Variants in CTNNA3 observed in about 807,000 individuals in gnomAD.
CTNNA3 encodes catenin alpha-3.
A neutral mutation model predicts 95.7 loss-of-function variants in CTNNA3; 76 were observed. The ratio of observed to expected loss-of-function variants is 0.79; its 90% confidence interval spans 0.66 to 0.96. The LOEUF is 0.96. Ranked by LOEUF, CTNNA3 falls within the 40% of genes least tolerant of loss-of-function variation. CTNNA3 has a pLI of 0.00. For missense variants in CTNNA3, 1,191 were observed against 1,089.8 expected, an observed-to-expected ratio of 1.09 and a Z score of -1.31; for synonymous variants, 431 against 374.4, an observed-to-expected ratio of 1.15 and a Z score of -1.74.
chr10:67,476,811 C>T (rs1848032563), intron 5 of CTNNA3, among the ~76,000 whole-genome samples: 1 of 151,672 alleles, frequency 6.6e-6, no homozygotes, highest in South Asian at 2.1e-4. Context: ...AGCACTTGCT[C>T]ACACAGAGTT....
intron 2 of CTNNA3, among the ~76,000 whole-genome samples, chr10:67,625,812 G>C (rs1838931118): frequency 1.3e-5 from 2 of 152,032 alleles, no homozygotes; most frequent in African/African-American, 4.8e-5. Flanking sequence ...CCTCAACTCA[G>C]GTTTGATTTC....
chr10:67,539,458 G>GA, intron 4 of CTNNA3, 45 bp downstream of exon 4: 1 of 1,599,640 alleles, frequency 6.3e-7, no homozygotes. Context: ...AATGAAATTA[G>GA]AAGTGAAGAC....
chr10:67,130,400 C>T (rs1859936775), intron 7 of CTNNA3, among the ~76,000 whole-genome samples: 1 of 152,118 alleles, frequency 6.6e-6, no homozygotes, highest in Non-Finnish European at 1.5e-5. Context: ...CTTTTGCTAT[C>T]TCAAAAGGTT....
intron 11 of CTNNA3, among the ~76,000 whole-genome samples, chr10:66,501,199 A>C (rs1840266553): frequency 6.6e-6 from 1 of 152,192 alleles, no homozygotes; most frequent in Non-Finnish European, 1.5e-5. Flanking sequence ...GAGATGAATG[A>C]AATCTATCAC....
intron 9 of CTNNA3, among the ~76,000 whole-genome samples, chr10:66,666,514 T>G (rs1846456741): frequency 6.6e-6 from 1 of 152,152 alleles, no homozygotes; most frequent in African/African-American, 2.4e-5. Flanking sequence ...TCTTATATAC[T>G]TGAACATAGG....
chr10:66,239,726 T>C (rs1260688303), intron 13 of CTNNA3, among the ~76,000 whole-genome samples: 1 of 152,028 alleles, frequency 6.6e-6, no homozygotes, highest in Admixed American at 6.6e-5. Flanking sequence ...TTGTTGTTTT[T>C]TTCGTATTCT....
intron 15 of CTNNA3, among the ~76,000 whole-genome samples, chr10:66,066,029 A>G (rs2080305895): frequency 6.6e-6 from 1 of 151,826 alleles, no homozygotes; most frequent in African/African-American, 2.4e-5. Flanking sequence ...ACACACAGCT[A>G]ATTTTGTATT....
At chr10:67,749,328 G>A (rs1455535164) in intron 1 of CTNNA3, among the ~76,000 whole-genome samples, 1 of 152,124 alleles carries the variant, frequency 6.6e-6, no homozygotes, top group African/African-American at 2.4e-5. Context: ...GATATCTACA[G>A]AACTCTCCAT....
intron 14 of CTNNA3, among the ~76,000 whole-genome samples, chr10:66,089,482 C>T (rs1455662288): frequency 6.6e-6 from 1 of 151,068 alleles, no homozygotes; most frequent in East Asian, 1.9e-4. Context: ...TTTCTATTCC[C>T]TCCCTGCAAA....
chr10:66,633,445 C>T (rs1052131195), intron 9 of CTNNA3, among the ~76,000 whole-genome samples: 2 of 152,110 alleles, frequency 1.3e-5, no homozygotes, highest in Admixed American at 6.5e-5. Context: ...CTTTGGGAGG[C>T]CAAGGCGGGC....
intron 5 of CTNNA3, among the ~76,000 whole-genome samples, chr10:67,303,445 G>A (rs1324700153): frequency 4.6e-5 from 7 of 152,218 alleles, no homozygotes; most frequent in Non-Finnish European, 1.0e-4. Flanking sequence ...CCAGGCTGAA[G>A]AAGAAAGATG....
At chr10:66,340,131 A>C (rs1327028156) in intron 12 of CTNNA3, among the ~76,000 whole-genome samples, 2 of 151,836 alleles carry the variant, frequency 1.3e-5, no homozygotes, top group African/African-American at 4.8e-5. Flanking sequence ...CTAAATTGTC[A>C]TCTCTTGCCT....
intron 9 of CTNNA3, among the ~76,000 whole-genome samples, chr10:66,740,191 C>A (rs967968546): frequency 6.6e-6 from 1 of 152,078 alleles, no homozygotes. Context: ...AGTTGTTTCC[C>A]TAAGAGTGAC....
At chr10:66,231,653 A>T (rs1362486139) in intron 13 of CTNNA3, among the ~76,000 whole-genome samples, 1 of 152,234 alleles carries the variant, frequency 6.6e-6, no homozygotes, top group African/African-American at 2.4e-5. Flanking sequence ...AAAACAAAAT[A>T]AAATATCTGG....
At chr10:66,372,772 G>A (rs921474025) in intron 12 of CTNNA3, among the ~76,000 whole-genome samples, 2 of 152,078 alleles carry the variant, frequency 1.3e-5, no homozygotes, top group Non-Finnish European at 2.9e-5. Flanking sequence ...TGCCCGAAAG[G>A]GAAATGCCAG....
intron 15 of CTNNA3, among the ~76,000 whole-genome samples, chr10:66,010,656 C>T (rs115579113): frequency 0.013 from 1,919 of 152,222 alleles, 32 homozygotes; most frequent in African/African-American, 0.044. Context: ...CAGATGGCTC[C>T]CAAGGATCAC....
At chr10:66,937,915 C>T (rs1190005204) in intron 7 of CTNNA3, among the ~76,000 whole-genome samples, 1 of 152,070 alleles carries the variant, frequency 6.6e-6, no homozygotes, top group African/African-American at 2.4e-5. Context: ...CTCCCAGAGA[C>T]TGCATCACAG....
At position 66,729,354 on chromosome 10, in the gene CTNNA3, G is replaced by A. The variant is rs118006142; in HGVS notation, c.1281+36910C>T. Among the ~76,000 whole-genome samples, 654 of 152,360 alleles carry A rather than the reference G, an allele frequency of 4.3e-3. 2 individuals carry two copies. The highest frequency in any genetic ancestry group is 7.2e-3 in the Non-Finnish European group (489 of 68,032). On this transcript the variant is annotated intron_variant, in intron 9 of 17. Coordinates refer to ENST00000433211, the MANE Select transcript of CTNNA3 (RefSeq NM_013266.4). ...GAATATTTTTACACTGCAGGTGAGA[G>A]TGCAAATTAGTTCAACAATTGCGGA...
intron 3 of CTNNA3, among the ~76,000 whole-genome samples, chr10:67,590,708 C>T (rs1189852434): frequency 6.6e-6 from 1 of 151,970 alleles, no homozygotes; most frequent in African/African-American, 2.4e-5. Flanking sequence ...CTTTTCGGGC[C>T]ATTTTCCTTT....
Sources: gnomAD v4.1 joint callset for allele counts (sites outside exome capture counted in the v4.1 genomes callset) on GRCh38, gnomAD v4.1.1 for gene constraint, MANE v1.5 for transcripts, NCBI Gene and HGNC (gene_info 2026-07-23, HGNC 2026-07-21) for gene names.